Variants in JADE3 observed in about 807,000 individuals in gnomAD.
JADE3 encodes the protein jade family PHD finger 3.
Under a neutral mutation model 50.1 loss-of-function variants are expected in JADE3, and 2 were observed. That is an observed-to-expected ratio of 0.04 (90% confidence interval 0.02 to 0.13). The LOEUF (loss-of-function observed/expected upper bound fraction) is 0.13. JADE3 is among the 10% of genes least tolerant of loss of function. JADE3 has a pLI of 1.00. For synonymous variants in JADE3, 218 were observed against 232.9 expected, an observed-to-expected ratio of 0.94 and a Z score of 0.58; for missense variants, 475 against 634.4, an observed-to-expected ratio of 0.75 and a Z score of 2.70.
At position 47,001,005 on chromosome X, in the gene JADE3, T is replaced by A. The variant is rs183334619; in HGVS notation, c.284+2728T>A. Among the ~76,000 whole-genome samples the A allele has an allele frequency of 5.3e-3, 591 of 111,990 alleles. 3 individuals are homozygous for A. Among genetic ancestry groups the A allele is most frequent in the African/African-American group, 0.017 (522 of 30,850 alleles). On this transcript the variant is annotated intron_variant, in intron 4 of 10. Coordinates refer to ENST00000614628, the MANE Select transcript of JADE3 (RefSeq NM_014735.5). ...ATAAGTGCTGTGAATTGTTGGTAAA[T>A]CTCTTCTGTTTCCCATAGTTCTTTG...
At chrX:46,998,987 G>A (rs782668005) in intron 4 of JADE3, among the ~76,000 whole-genome samples, 53 of 111,196 alleles carry the variant, frequency 4.8e-4, no homozygotes, top group African/African-American at 1.6e-3. Context: ...CTGAGCCACC[G>A]CGCCTGGCCG....
intron 4 of JADE3, among the ~76,000 whole-genome samples, chrX:47,000,844 C>G (rs1476587058): frequency 1.8e-5 from 2 of 112,107 alleles, no homozygotes; most frequent in African/African-American, 6.5e-5. Context: ...AGCCCCCGCC[C>G]TCAGCCTAAG....
intron 8 of JADE3, among the ~76,000 whole-genome samples, chrX:47,041,988 C>CT (rs1368326595): frequency 2.3e-4 from 25 of 109,559 alleles, no homozygotes; most frequent in Non-Finnish European, 4.0e-4. Context: ...TCTTTTCTTT[C>CT]TTTTTTTCTT....
chrX:47,037,084 A>G (rs1223545715), intron 7 of JADE3, among the ~76,000 whole-genome samples: 1 of 98,217 alleles, frequency 1.0e-5, no homozygotes, highest in African/African-American at 4.1e-5. Flanking sequence ...CAATGTGCAC[A>G]TGTACCCTAA....
chrX:46,921,741 CT>C (rs1443369705), intron 1 of JADE3, among the ~76,000 whole-genome samples: 1 of 111,187 alleles, frequency 9.0e-6, no homozygotes, highest in Non-Finnish European at 1.9e-5. Context: ...TTTAACCTAT[CT>C]TTTGAGGGCA....
At chrX:46,972,889 G>T (rs1474786804) in intron 1 of JADE3, among the ~76,000 whole-genome samples, 1 of 112,199 alleles carries the variant, frequency 8.9e-6, no homozygotes, top group Non-Finnish European at 1.9e-5. Context: ...GTGAGCCACC[G>T]CGCCCGGCTG....
chrX:47,010,579 G>A (rs1217973980), intron 4 of JADE3, among the ~76,000 whole-genome samples: 1 of 111,554 alleles, frequency 9.0e-6, no homozygotes, highest in Non-Finnish European at 1.9e-5. Flanking sequence ...AAATTATATG[G>A]TGGTTTTTAG....
rs1929754249 is a variant in JADE3, at chrX:47,060,611, G to C, written c.*1534G>C. The C allele has an allele frequency of 9.0e-6, 1 of 111,642 alleles. No individual in the cohort carries two copies. Among genetic ancestry groups the C allele is most frequent in the South Asian group, 3.7e-4 (1 of 2,671 alleles). 9.2% of individuals were successfully genotyped at this position (111,642 alleles called of 1,213,427 possible). On this transcript the variant is annotated 3_prime_UTR_variant, in exon 11 of 11. Coordinates refer to ENST00000614628, the MANE Select transcript of JADE3 (RefSeq NM_014735.5). ...CCTTTTCTGAAAATGTATGTGTTTT[G>C]CCTCTCTTTTGGCTACATCTTCAAA...
At chrX:47,034,999 T>C (rs1193180220) in intron 7 of JADE3, among the ~76,000 whole-genome samples, 1 of 111,319 alleles carries the variant, frequency 9.0e-6, no homozygotes, top group Non-Finnish European at 1.9e-5. Context: ...CAATTTTTTA[T>C]CATTATCTAG....
intron 1 of JADE3, among the ~76,000 whole-genome samples, chrX:46,966,894 A>G (rs912970268): frequency 1.8e-5 from 2 of 112,190 alleles, no homozygotes; most frequent in African/African-American, 6.5e-5. Context: ...TTTTCTGTTC[A>G]TAGAAAATCA....
At chrX:47,014,230 C>A (rs1208732748) in intron 4 of JADE3, among the ~76,000 whole-genome samples, 3 of 112,156 alleles carry the variant, frequency 2.7e-5, no homozygotes, top group African/African-American at 9.7e-5. Flanking sequence ...AGAATTGTGA[C>A]TGAAGAACTG....
At chrX:47,018,267 G>A (rs1387407488) in intron 4 of JADE3, among the ~76,000 whole-genome samples, 1 of 110,282 alleles carries the variant, frequency 9.1e-6, no homozygotes, top group Non-Finnish European at 1.9e-5. Context: ...TCCCATTTTA[G>A]GCAGCAGCAT....
chrX:46,958,099 A>G (rs1189575046), intron 1 of JADE3, among the ~76,000 whole-genome samples: 2 of 111,351 alleles, frequency 1.8e-5, no homozygotes, highest in African/African-American at 6.5e-5. Flanking sequence ...CCCTCTCTGG[A>G]TGCACTTTCA....
intron 10 of JADE3, 48 bp from the exon 11 acceptor site, chrX:47,058,119 C>A (rs1556373727): frequency 1.9e-6 from 2 of 1,068,130 alleles, no homozygotes; most frequent in Admixed American, 5.0e-5. Flanking sequence ...AGCACAAAAG[C>A]CATTATTTAA....
intron 1 of JADE3, among the ~76,000 whole-genome samples, chrX:46,945,778 C>T (rs1327643187): frequency 8.9e-6 from 1 of 111,762 alleles, no homozygotes; most frequent in Non-Finnish European, 1.9e-5. Context: ...TGCTCCCTCA[C>T]GCCTTGGAAT....
Position 47,059,103 on chromosome X carries a change from C to T in JADE3, c.*26C>T, listed in dbSNP as rs1176853655. The stretch of plus-strand genomic sequence containing the variant: ...TTAGAAACTTCCAAGGATGACCCAA[C>T]CTTTGCCTTTGCCCCATATATTGGG... On this transcript the variant is annotated 3_prime_UTR_variant, in exon 11 of 11. Transcript: ENST00000614628. The T allele has an allele frequency of 1.3e-5, 14 of 1,083,247 alleles. No individual in the cohort carries two copies. Among genetic ancestry groups the T allele is most frequent in the Middle Eastern group, 5.1e-4 (2 of 3,926 alleles). 89.3% of individuals were successfully genotyped at this position (1,083,247 alleles called of 1,213,427 possible).
In JADE3 at chrX:47,007,807, T is replaced by TTGTG. The variant is rs782728907; in HGVS notation, c.284+9576_284+9579dup. ...TAGGACTTCAGCGTGTCCTTTTATT[T>TTGTG]TGTGTGTGTGTGTGTGTGTGTGTGT... On this transcript the variant is annotated intron_variant, in intron 4 of 10. Transcript: ENST00000614628. 2.2e-3 allele frequency among the ~76,000 whole-genome samples: 157 copies of TTGTG among 70,796 alleles called. 1 individual carries two copies. Among genetic ancestry groups the TTGTG allele is most frequent in the South Asian group, 3.8e-3 (5 of 1,304 alleles). 61.5% of individuals were successfully genotyped at this position (70,796 alleles called of 115,157 possible).
chrX:47,003,686 G>A (rs5906303), intron 4 of JADE3, among the ~76,000 whole-genome samples: 33,773 of 96,531 alleles, frequency 0.35, 7,434 homozygotes, highest in African/African-American at 0.77. Flanking sequence ...TAATGTATAT[G>A]TTATATATAA....
At chrX:46,969,848 G>A (rs782130089) in intron 1 of JADE3, among the ~76,000 whole-genome samples, 56 of 111,678 alleles carry the variant, frequency 5.0e-4, no homozygotes, top group African/African-American at 1.7e-3. Context: ...AAACTTGTGG[G>A]GCGTAACTTA....
Sources: gnomAD v4.1 joint callset for allele counts (sites outside exome capture counted in the v4.1 genomes callset) on GRCh38, gnomAD v4.1.1 for gene constraint, MANE v1.5 for transcripts, NCBI Gene and HGNC (gene_info 2026-07-23, HGNC 2026-07-21) for gene names.